TRIML2: variants seen among roughly 807,000 people sequenced by gnomAD.
TRIML2 encodes probable E3 ubiquitin-protein ligase TRIML2.
In TRIML2, 28 loss-of-function variants were observed where a neutral mutation model predicts 31.2. The ratio of observed to expected loss-of-function variants is 0.90; its 90% CI spans 0.66 to 1.23. The LOEUF is 1.23. Ranked by LOEUF, TRIML2 falls within the 50% of genes most tolerant of loss-of-function variation. The pLI is 0.00. For synonymous variants in TRIML2, 187 were observed against 197.5 expected, an observed-to-expected ratio of 0.95 and a Z score of 0.45; for missense variants, 536 against 528.3, an observed-to-expected ratio of 1.01 and a Z score of -0.14.
intron 4 of TRIML2, 55 bp downstream of exon 4, chr4:188,101,001 T>C (rs1733760745): frequency 6.7e-7 from 1 of 1,497,464 alleles, no homozygotes; most frequent in African/African-American, 1.4e-5. Context: ...ACATAATGTT[T>C]AGCTCTTCTT....
chr4:188,096,617 C>G (rs1283808814), intron 7 of TRIML2, among the ~76,000 whole-genome samples: 1 of 140,130 alleles, frequency 7.1e-6, no homozygotes, highest in East Asian at 2.2e-4. Context: ...TGATCCTTAT[C>G]TAATATGTAT....
intron 7 of TRIML2, chr4:188,092,986 A>G: frequency 2.4e-6 from 1 of 410,794 alleles, no homozygotes; most frequent in East Asian, 7.2e-5. Flanking sequence ...TCAGTTTTAA[A>G]CATCTTCTCT....
Position 188,097,150 on chromosome 4 carries a change from A to C in TRIML2, c.656T>G (p.Leu219Arg). The change falls in exon 7 of 8, where the codon CTG becomes CGG. Residue 219 changes from leucine to arginine, a missense_variant. Leu to Arg is a moderately radical substitution (Grantham distance 102, BLOSUM62 -2). Coordinates refer to ENST00000682553, the MANE Select transcript of TRIML2 (RefSeq NM_173553.4). The stretch of plus-strand genomic sequence containing the variant: ...AGCGGGCTCCAGATGCTCAAGCAGC[A>C]GTGACTTGCTCCTGAAGAGAAAGGA... ...AKYSLERSKS[L>R]LLEHLEPAHI... 6.2e-7 allele frequency: 1 copy of C among 1,614,110 alleles called. No individual in the cohort carries two copies. Among genetic ancestry groups the C allele is most frequent in the Non-Finnish European group, 8.5e-7 (1 of 1,179,976 alleles).
chr4:188,102,771 C>G (rs1459505500), intron 3 of TRIML2, among the ~76,000 whole-genome samples: 1 of 151,232 alleles, frequency 6.6e-6, no homozygotes, highest in African/African-American at 2.4e-5. Flanking sequence ...ATTGCTTGAA[C>G]CCGGGAGGCG....
intron 4 of TRIML2, among the ~76,000 whole-genome samples, 193 bp downstream of exon 4, chr4:188,100,863 A>G (rs1337699568): frequency 6.6e-6 from 1 of 152,152 alleles, no homozygotes; most frequent in Non-Finnish European, 1.5e-5. Context: ...ATTTATAGGT[A>G]TATTGTGCTT....
chr4:188,098,832 T>G, intron 5 of TRIML2: 1 of 559,198 alleles, frequency 1.8e-6, no homozygotes, highest in Non-Finnish European at 3.1e-6. Context: ...TGAGAATTCA[T>G]CTCATGAAGC....
In TRIML2 at chr4:188,105,429, ACTGTG is replaced by A; in HGVS notation, c.-66_-62del. On this transcript the variant is annotated 5_prime_UTR_variant, in exon 2 of 8. Transcript: ENST00000682553. ...TGCTTCTACTGAGGTATCTCCCTGCACTGTGAATGAGAAAAAATGGTGGCTTCCTT... is the reference window on the plus strand; with the variant it reads ...TGCTTCTACTGAGGTATCTCCCTGCAAATGAGAAAAAATGGTGGCTTCCTT... 1.6e-6 allele frequency: 2 copies of A among 1,262,728 alleles called. No individual in the cohort carries two copies. Among genetic ancestry groups the A allele is most frequent in the Admixed American group, 5.2e-5 (2 of 38,398 alleles). The allele number at this position is 1,262,728 out of a possible 1,614,324, so 78.2% of individuals were successfully genotyped here. A position where few individuals can be genotyped will look rare whatever the true frequency, so the allele number is the denominator to read the frequency against.
At position 188,105,038 on chromosome 4, in the gene TRIML2, G is replaced by A; in HGVS notation, c.190-106C>T. ...TGAGTATATATTTTCTTAGCCTTTAGGTTGAAGGTTCAACGAACTTATCTA... is the reference window on the plus strand; with the variant it reads ...TGAGTATATATTTTCTTAGCCTTTAAGTTGAAGGTTCAACGAACTTATCTA... On this transcript the variant is annotated intron_variant, in intron 2 of 7. Transcript: ENST00000682553. The A allele has an allele frequency of 7.8e-6, 11 of 1,401,618 alleles. No individual in the cohort carries two copies. In the South Asian group the frequency reaches 1.4e-4, roughly 17 times the overall value. The allele number at this position is 1,401,618 out of a possible 1,614,324, so 86.8% of individuals were successfully genotyped here.
At chr4:188,093,069 CCA>C (rs1483507731) in intron 7 of TRIML2, 6 of 350,522 alleles carry the variant, frequency 1.7e-5, no homozygotes, top group Middle Eastern at 8.5e-4. Context: ...CATAACACAC[CCA>C]AAATGGAACT....
At chr4:188,104,019 G>A (rs1733919225) in intron 3 of TRIML2, among the ~76,000 whole-genome samples, 1 of 152,164 alleles carries the variant, frequency 6.6e-6, no homozygotes, top group East Asian at 1.9e-4. Flanking sequence ...GAAGATACAG[G>A]CTGAAATTAG....
chr4:188,095,865 G>C (rs1733480566), intron 7 of TRIML2, among the ~76,000 whole-genome samples: 1 of 152,116 alleles, frequency 6.6e-6, no homozygotes, highest in Non-Finnish European at 1.5e-5. Context: ...ACAATAAAAA[G>C]GAACAAACTA....
At chr4:188,096,805 C>T (rs999538135) in intron 7 of TRIML2, among the ~76,000 whole-genome samples, 36 of 151,898 alleles carry the variant, frequency 2.4e-4, no homozygotes, top group Middle Eastern at 3.4e-3. Flanking sequence ...TACAGGCACA[C>T]GCCACCACAA....
intron 7 of TRIML2, among the ~76,000 whole-genome samples, chr4:188,096,307 C>T (rs755976683): frequency 2.0e-5 from 3 of 151,594 alleles, no homozygotes; most frequent in South Asian, 4.2e-4. Context: ...GCCCAAGGCG[C>T]GTGGATCACC....
At chr4:188,094,530 C>T (rs145644638) in intron 7 of TRIML2, among the ~76,000 whole-genome samples, 6 of 152,050 alleles carry the variant, frequency 3.9e-5, no homozygotes, top group Non-Finnish European at 8.8e-5. Context: ...TTTAAAATAC[C>T]GTTTACAGTG....
chr4:188,104,981 T>C (rs759121188), intron 2 of TRIML2, 49 bp from the exon 3 acceptor site: 76 of 1,551,390 alleles, frequency 4.9e-5, no homozygotes, highest in Non-Finnish European at 6.6e-5. Context: ...TTTAGAACAG[T>C]TGGATTCCTG....
intron 7 of TRIML2, among the ~76,000 whole-genome samples, chr4:188,094,905 T>C (rs1235874433): frequency 6.6e-6 from 1 of 152,210 alleles, no homozygotes; most frequent in African/African-American, 2.4e-5. Flanking sequence ...ATCAAGCCAG[T>C]GTGCTATTGG....
At chr4:188,101,287 A>C in intron 3 of TRIML2, 37 bp from the exon 4 acceptor site, 1 of 1,389,448 alleles carries the variant, frequency 7.2e-7, no homozygotes, top group Non-Finnish European at 1.0e-6. Context: ...CAGGTTAAAC[A>C]TGATAGATTA....
Position 188,091,680 on chromosome 4 carries a change from C to A in TRIML2, c.1007G>T (p.Gly336Val), listed in dbSNP as rs773703659. The change falls in exon 8 of 8, where the codon GGA (glycine) becomes GTA (valine). Residue 336 changes from glycine (G) to valine (V), a missense_variant. Transcript: ENST00000682553. ...DAKGSTARAS[G>V]EKVLLTGSVM... Reference sequence around the variant, plus strand: ...CGACCCCGTGAGCAAGACTTTCTCTCCGGAAGCTCTGGCCGTGCTGCCCTT... The same window carrying A: ...CGACCCCGTGAGCAAGACTTTCTCTACGGAAGCTCTGGCCGTGCTGCCCTT... The A allele has an allele frequency of 1.9e-6, 3 of 1,613,162 alleles. No individual in the cohort carries two copies. The highest frequency in any genetic ancestry group is 3.3e-5 in the Admixed American group (2 of 60,000).
intron 7 of TRIML2, among the ~76,000 whole-genome samples, chr4:188,092,396 G>C (rs1733306721): frequency 6.6e-6 from 1 of 151,472 alleles, no homozygotes; most frequent in Non-Finnish European, 1.5e-5. Context: ...AGGAGGCGGA[G>C]ATTGCAGTGA....
Sources: allele counts gnomAD v4.1 joint callset (sites outside exome capture counted in the v4.1 genomes callset), GRCh38; gene constraint gnomAD v4.1.1; transcripts MANE v1.5; gene names NCBI Gene and HGNC (gene_info 2026-07-23, HGNC 2026-07-21).